Variants in CDYL2 observed in about 807,000 individuals in gnomAD.
CDYL2 encodes chromodomain Y like 2, also known as chromodomain Y-like protein 2.
In CDYL2, 23 loss-of-function variants were observed where a neutral mutation model predicts 49.4. The ratio of observed to expected loss-of-function variants is 0.47; its 90% CI spans 0.34 to 0.66. The LOEUF (loss-of-function observed/expected upper bound fraction) is 0.66. Ranked by LOEUF, CDYL2 falls within the 30% of genes least tolerant of loss-of-function variation. The pLI is 0.01. For missense variants in CDYL2, 678 were observed against 656.4 expected, an observed-to-expected ratio of 1.03 and a Z score of -0.36; for synonymous variants, 360 against 268.8, an observed-to-expected ratio of 1.34 and a Z score of -3.32.
At chr16:80,606,311 G>C (rs923342776) in intron 6 of CDYL2, among the ~76,000 whole-genome samples, 10 of 152,206 alleles carry the variant, frequency 6.6e-5, no homozygotes, top group African/African-American at 2.2e-4. Context: ...TGAATTCACA[G>C]CTTTTGGCAG....
In CDYL2 at chr16:80,601,426, C is replaced by T. The variant is rs1405376803; in HGVS notation, c.*2962G>A. The stretch of plus-strand genomic sequence containing the variant: ...AGGACGGGGCTGCCAAAATGAGCCG[C>T]AATTCCTCAAAGACCTGCCCAGGCT... On this transcript the variant is annotated 3_prime_UTR_variant, in exon 7 of 7. Coordinates refer to ENST00000570137, the MANE Select transcript of CDYL2 (RefSeq NM_152342.4). 6.6e-6 allele frequency: 1 copy of T among 152,154 alleles called. No individual in the cohort carries two copies. The highest frequency in any genetic ancestry group is 2.4e-5 in the African/African-American group (1 of 41,430). 9.4% of individuals were successfully genotyped at this position (152,154 alleles called of 1,614,324 possible).
intron 1 of CDYL2, among the ~76,000 whole-genome samples, chr16:80,779,830 T>C (rs1907205422): frequency 6.6e-6 from 1 of 152,158 alleles, no homozygotes; most frequent in Non-Finnish European, 1.5e-5. Context: ...TACATCAATG[T>C]TAATGGTGAA....
chr16:80,632,914 C>T, intron 3 of CDYL2, 105 bp downstream of exon 3: 1 of 1,132,458 alleles, frequency 8.8e-7, no homozygotes. Context: ...ACGCTAGTTA[C>T]CATCCTCAGC....
chr16:80,719,262 C>A (rs1323436861), intron 1 of CDYL2, among the ~76,000 whole-genome samples: 1 of 152,044 alleles, frequency 6.6e-6, no homozygotes, highest in African/African-American at 2.4e-5. Context: ...TGAAGATTCC[C>A]AGGCCCCGGA....
chr16:80,631,476 T>C (rs1354236911), intron 3 of CDYL2, among the ~76,000 whole-genome samples: 1 of 152,256 alleles, frequency 6.6e-6, no homozygotes, highest in Non-Finnish European at 1.5e-5. Context: ...AAGTATTCAT[T>C]GTTTCCCTAT....
At chr16:80,666,104 G>A (rs1454926820) in intron 2 of CDYL2, among the ~76,000 whole-genome samples, 4 of 152,148 alleles carry the variant, frequency 2.6e-5, no homozygotes, top group Admixed American at 6.5e-5. Context: ...ATCCTTTCTG[G>A]CAGGCTTGCT....
intron 2 of CDYL2, among the ~76,000 whole-genome samples, chr16:80,676,861 T>A (rs372722453): frequency 6.6e-6 from 1 of 152,166 alleles, no homozygotes; most frequent in Non-Finnish European, 1.5e-5. Context: ...TGTGGTCAGA[T>A]GATCTATTCT....
intron 2 of CDYL2, among the ~76,000 whole-genome samples, chr16:80,666,107 G>A (rs1041358998): frequency 3.6e-4 from 55 of 152,300 alleles, no homozygotes; most frequent in African/African-American, 1.1e-3. Context: ...CTTTCTGGCA[G>A]GCTTGCTATT....
At chr16:80,790,797 A>T (rs1368918155) in intron 1 of CDYL2, among the ~76,000 whole-genome samples, 3 of 152,206 alleles carry the variant, frequency 2.0e-5, no homozygotes, top group Non-Finnish European at 4.4e-5. Flanking sequence ...GGAGAGCTAA[A>T]CAAGACTCAA....
intron 1 of CDYL2, among the ~76,000 whole-genome samples, chr16:80,781,254 C>T (rs1291191925): frequency 1.3e-5 from 2 of 152,196 alleles, no homozygotes; most frequent in African/African-American, 4.8e-5. Flanking sequence ...GAAGTTCTAA[C>T]TGACTTCAAG....
chr16:80,674,376 G>C (rs1355218118), intron 2 of CDYL2, among the ~76,000 whole-genome samples: 10 of 152,148 alleles, frequency 6.6e-5, no homozygotes, highest in African/African-American at 2.4e-4. Context: ...AAGCAGTAGG[G>C]AAACGGTAGC....
chr16:80,684,733 G>T lies in CDYL2; in HGVS notation c.421C>A (p.Pro141Thr). Residue 141 changes from proline to threonine, a missense_variant, in exon 2 of 7, where the codon CCC becomes ACC. Coordinates refer to ENST00000570137, the MANE Select transcript of CDYL2 (RefSeq NM_152342.4). ...AGGGGCATTATTTGCAAACCACTGG[G>T]GGTAGTCCTGTAAGACACCGTCTTG... ...ATKTVSYRTTPSGLQIMPLKK... is the reference protein window; with the variant it reads ...ATKTVSYRTTTSGLQIMPLKK... 1.9e-6 allele frequency: 3 copies of T among 1,614,104 alleles called. No homozygotes were observed. Among genetic ancestry groups the T allele is most frequent in the Non-Finnish European group, 2.5e-6 (3 of 1,180,034 alleles).
At chr16:80,795,418 C>A (rs971675327) in intron 1 of CDYL2, among the ~76,000 whole-genome samples, 4 of 152,180 alleles carry the variant, frequency 2.6e-5, no homozygotes, top group African/African-American at 9.7e-5. Flanking sequence ...AATGGCCCTG[C>A]AAGCCTTCTC....
chr16:80,606,655 A>G (rs1314599440), intron 6 of CDYL2, among the ~76,000 whole-genome samples: 6 of 152,178 alleles, frequency 3.9e-5, no homozygotes, highest in Admixed American at 3.3e-4. Flanking sequence ...ACTAAGGGGC[A>G]TATGGTTTGC....
chr16:80,730,841 A>C (rs1334857082), intron 1 of CDYL2, among the ~76,000 whole-genome samples: 1 of 152,238 alleles, frequency 6.6e-6, no homozygotes, highest in Non-Finnish European at 1.5e-5. Flanking sequence ...TACTTAAAGA[A>C]GCCAGACAAA....
rs199728792 is a variant in CDYL2 at position 80,666,483 on chromosome 16, G to T, written c.616+18055C>A. ...GAAAAGAACTCACAATGCCCTTCAT[G>T]GGGGAGGGAGCCTGGCGCTTTATTA... On this transcript the variant is annotated intron_variant, in intron 2 of 6. Coordinates refer to ENST00000570137, the MANE Select transcript of CDYL2 (RefSeq NM_152342.4). Among the ~76,000 whole-genome samples, 13 of 152,276 alleles carry T rather than the reference G, an allele frequency of 8.5e-5. No individual in the cohort carries two copies. The East Asian group carries it at 2.5e-3, about 29-fold the overall frequency.
rs1214987161 is a variant in CDYL2 at position 80,684,626 on chromosome 16, C to G, written c.528G>C (p.Gln176His). The G allele has an allele frequency of 2.5e-6, 4 of 1,614,226 alleles. No individual in the cohort carries two copies. The highest frequency in any genetic ancestry group is 2.5e-6 in the Non-Finnish European group (3 of 1,180,034). The change falls in exon 2 of 7, where the codon CAG becomes CAC. Residue 176 changes from glutamine (Q) to histidine (H), a missense_variant. By Grantham distance (24) the Gln-to-His change is conservative. This residue lies in a region of CDYL2 where 478 missense variants were observed against 427.0 expected (regional missense o/e 1.12). Coordinates refer to ENST00000570137, the MANE Select transcript of CDYL2 (RefSeq NM_152342.4). ...CATGATCATTCAAATCCAAGCCAGGCTGATGGGACCCATTTCCAAAGTGCC... is the reference window on the plus strand; with the variant it reads ...CATGATCATTCAAATCCAAGCCAGGGTGATGGGACCCATTTCCAAAGTGCC... ...DERHFGNGSH[Q>H]PGLDLNDHVG...
intron 1 of CDYL2, among the ~76,000 whole-genome samples, chr16:80,688,833 C>G (rs1045985974): frequency 1.3e-5 from 2 of 152,156 alleles, no homozygotes; most frequent in African/African-American, 2.4e-5. Context: ...GCAACATTCT[C>G]TCTCTGGGAA....
chr16:80,666,577 G>A (rs1009863891), intron 2 of CDYL2, among the ~76,000 whole-genome samples: 47 of 152,158 alleles, frequency 3.1e-4, no homozygotes, highest in Non-Finnish European at 1.5e-4. Flanking sequence ...CGTGGCAGAT[G>A]GCGACAACAA....
Sources: allele counts gnomAD v4.1 joint callset (sites outside exome capture counted in the v4.1 genomes callset), GRCh38; gene constraint gnomAD v4.1.1; regional missense constraint gnomAD v4.1.1; transcripts MANE v1.5; gene names NCBI Gene and HGNC (gene_info 2026-07-23, HGNC 2026-07-21).